The following TACR3 variants were observed in gnomAD, a reference collection of about 807,000 sequenced individuals.
The protein encoded by TACR3 is tachykinin receptor 3.
Under a neutral mutation model 35.0 loss-of-function variants are expected in TACR3, and 34 were observed. That is an observed-to-expected ratio of 0.97 (90% CI 0.74 to 1.30). The LOEUF is 1.30. Among genes scored for constraint, TACR3 ranks in the 50% most tolerant of loss-of-function variants. The pLI is 0.00. For synonymous variants in TACR3, 233 were observed against 221.1 expected (o/e 1.05, Z -0.48); for missense variants, 558 against 591.7 (o/e 0.94, Z 0.59).
chr4:103,599,616 T>C (rs1724137520), intron 3 of TACR3, among the ~76,000 whole-genome samples: 1 of 152,222 alleles, frequency 6.6e-6, no homozygotes, highest in South Asian at 2.1e-4. Flanking sequence ...CTTATTATTT[T>C]GAGATACGTC....
At chr4:103,598,903 G>C (rs1724114721) in intron 3 of TACR3, among the ~76,000 whole-genome samples, 1 of 152,116 alleles carries the variant, frequency 6.6e-6, no homozygotes. Context: ...CTCCAGCTTT[G>C]TTCTTTTGGC....
At chr4:103,604,668 A>G (rs1724304277) in intron 3 of TACR3, among the ~76,000 whole-genome samples, 1 of 152,154 alleles carries the variant, frequency 6.6e-6, no homozygotes, top group South Asian at 2.1e-4. Context: ...TCCAGAATCT[A>G]CAAAGAATTT....
intron 3 of TACR3, among the ~76,000 whole-genome samples, chr4:103,655,171 G>A (rs1725705706): frequency 6.6e-6 from 1 of 152,136 alleles, no homozygotes; most frequent in Non-Finnish European, 1.5e-5. Context: ...ATGTGGTCTA[G>A]TATTATTTGT....
At chr4:103,637,990 A>G (rs1331193278) in intron 3 of TACR3, among the ~76,000 whole-genome samples, 1 of 152,202 alleles carries the variant, frequency 6.6e-6, no homozygotes, top group African/African-American at 2.4e-5. Context: ...GGAAGAATCA[A>G]TATCATAAAA....
intron 3 of TACR3, among the ~76,000 whole-genome samples, chr4:103,603,472 C>T (rs980763697): frequency 1.2e-4 from 19 of 152,330 alleles, no homozygotes; most frequent in African/African-American, 3.8e-4. Flanking sequence ...AGAAATCACC[C>T]GTCTTCTGCG....
chr4:103,670,929 G>T (rs774880727), intron 1 of TACR3, among the ~76,000 whole-genome samples: 3 of 151,976 alleles, frequency 2.0e-5, no homozygotes, highest in Non-Finnish European at 4.4e-5. Flanking sequence ...TTCCCATTCA[G>T]TATGATACTG....
At chr4:103,716,140 G>A (rs946677835) in intron 1 of TACR3, among the ~76,000 whole-genome samples, 15 of 151,654 alleles carry the variant, frequency 9.9e-5, no homozygotes, top group African/African-American at 3.6e-4. Context: ...ACATTTATAT[G>A]TTATTTTTCA....
chr4:103,629,395 T>C (rs1001047059), intron 3 of TACR3, among the ~76,000 whole-genome samples: 2 of 152,078 alleles, frequency 1.3e-5, no homozygotes, highest in Non-Finnish European at 2.9e-5. Flanking sequence ...AAAACCCCAT[T>C]GTCTCAGCCC....
chr4:103,644,018 AC>A (rs1359271874), intron 3 of TACR3, among the ~76,000 whole-genome samples: 1 of 151,818 alleles, frequency 6.6e-6, no homozygotes, highest in Non-Finnish European at 1.5e-5. Context: ...CTTCTTCAGT[AC>A]TACTGGAAAA....
intron 1 of TACR3, among the ~76,000 whole-genome samples, chr4:103,671,346 T>G (rs1726053863): frequency 6.6e-6 from 1 of 152,008 alleles, no homozygotes. Context: ...ATTTTCAGAA[T>G]AGTATGAGTA....
At chr4:103,710,323 T>C (rs529189409) in intron 1 of TACR3, among the ~76,000 whole-genome samples, 33 of 152,262 alleles carry the variant, frequency 2.2e-4, no homozygotes, top group African/African-American at 7.5e-4. Flanking sequence ...GACCACAGTG[T>C]AATCAAAATA....
At chr4:103,701,848 T>C (rs1163227369) in intron 1 of TACR3, among the ~76,000 whole-genome samples, 2 of 152,186 alleles carry the variant, frequency 1.3e-5, no homozygotes, top group South Asian at 2.1e-4. Flanking sequence ...GCTAGCCATA[T>C]GTAGAAAGCT....
In TACR3 at chr4:103,591,689, A is replaced by G; in HGVS notation, c.889-6T>C. On this transcript the variant is annotated splice_region_variant and splice_polypyrimidine_tract_variant and intron_variant, in intron 3 of 4. Transcript: ENST00000304883. ...ATAATCATCATTTTGACAACCTATA[A>G]AGAAAAAAAGTCATTTTTGACAAAT... 1 of 1,608,090 alleles carries G rather than the reference A, an allele frequency of 6.2e-7. No homozygotes were observed. The highest frequency in any genetic ancestry group is 8.5e-7 in the Non-Finnish European group (1 of 1,177,220).
At chr4:103,600,360 G>A (rs936063224) in intron 3 of TACR3, among the ~76,000 whole-genome samples, 2 of 151,708 alleles carry the variant, frequency 1.3e-5, no homozygotes, top group African/African-American at 4.8e-5. Flanking sequence ...TTCTTTATTA[G>A]TCTTGCTAGC....
intron 3 of TACR3, among the ~76,000 whole-genome samples, chr4:103,639,064 A>G (rs1334178402): frequency 6.6e-6 from 1 of 152,126 alleles, no homozygotes; most frequent in African/African-American, 2.4e-5. Flanking sequence ...TAGAAATACC[A>G]TTTGACCCAG....
chr4:103,715,798 T>C (rs1299037477), intron 1 of TACR3, among the ~76,000 whole-genome samples: 1 of 152,158 alleles, frequency 6.6e-6, no homozygotes, highest in Non-Finnish European at 1.5e-5. Context: ...CTATATGCCG[T>C]AAATGAATGG....
chr4:103,616,131 T>C (rs1030221308), intron 3 of TACR3, among the ~76,000 whole-genome samples: 1 of 152,154 alleles, frequency 6.6e-6, no homozygotes, highest in Non-Finnish European at 1.5e-5. Flanking sequence ...CTAGACAGGA[T>C]AGTGAAGAAT....
At chr4:103,637,531 G>C (rs1725220702) in intron 3 of TACR3, among the ~76,000 whole-genome samples, 2 of 152,118 alleles carry the variant, frequency 1.3e-5, no homozygotes, top group Admixed American at 6.6e-5. Flanking sequence ...ACTGGCACAA[G>C]ACAAGGATGC....
chr4:103,638,992 G>A (rs1725278616), intron 3 of TACR3, among the ~76,000 whole-genome samples: 1 of 152,086 alleles, frequency 6.6e-6, no homozygotes. Flanking sequence ...ACTGTTGGTG[G>A]GACTGTAAAC....
Sources: allele counts gnomAD v4.1 joint callset (sites outside exome capture counted in the v4.1 genomes callset), GRCh38; gene constraint gnomAD v4.1.1; transcripts MANE v1.5; gene names NCBI Gene and HGNC (gene_info 2026-07-23, HGNC 2026-07-21).